Variants in VWA3B observed in about 807,000 individuals in gnomAD.
VWA3B encodes the protein von Willebrand factor A domain-containing protein 3B.
In VWA3B, 138 loss-of-function variants were observed where a neutral mutation model predicts 158.3. The ratio of observed to expected loss-of-function variants is 0.87; its 90% CI spans 0.76 to 1.00. The LOEUF (loss-of-function observed/expected upper bound fraction) is 1.00, where lower values mean the gene tolerates loss of function less well. Ranked by LOEUF, VWA3B falls within the 50% of genes least tolerant of loss-of-function variation. VWA3B has a pLI of 0.00. For synonymous variants in VWA3B, 596 were observed against 587.3 expected (o/e 1.01, Z -0.21); for missense variants, 1,555 against 1,565.1 (o/e 0.99, Z 0.11).
chr2:98,211,096 C>T (rs1451207763), intron 12 of VWA3B, among the ~76,000 whole-genome samples: 3 of 152,232 alleles, frequency 2.0e-5, no homozygotes, highest in Non-Finnish European at 4.4e-5. Context: ...GGTCTCGTTC[C>T]TGATGAGAGG....
At chr2:98,294,638 G>A (rs569059243) in intron 23 of VWA3B, among the ~76,000 whole-genome samples, 1 of 152,370 alleles carries the variant, frequency 6.6e-6, no homozygotes, top group African/African-American at 2.4e-5. Context: ...GTGGAAACTG[G>A]GTCATCCTGT....
intron 12 of VWA3B, among the ~76,000 whole-genome samples, chr2:98,203,111 G>A (rs900171807): frequency 2.4e-4 from 37 of 152,182 alleles, no homozygotes; most frequent in Admixed American, 3.3e-4. Flanking sequence ...GATTACAGGC[G>A]TGAGCCACCA....
At chr2:98,290,777 G>A (rs952196950) in intron 23 of VWA3B, 155 bp downstream of exon 23, 2 of 585,282 alleles carry the variant, frequency 3.4e-6, no homozygotes, top group African/African-American at 3.9e-5. Context: ...AATATCTCTG[G>A]CCAGCTCATG....
chr2:98,284,996 G>A (rs1689082358), intron 22 of VWA3B, among the ~76,000 whole-genome samples: 1 of 152,018 alleles, frequency 6.6e-6, no homozygotes. Context: ...TATTATGAGT[G>A]GTTATGTAGA....
intron 7 of VWA3B, among the ~76,000 whole-genome samples, chr2:98,149,056 C>T (rs1677402339): frequency 6.6e-6 from 1 of 152,180 alleles, no homozygotes; most frequent in South Asian, 2.1e-4. Context: ...TACTGACATT[C>T]TAAGCTTTTT....
chr2:98,153,441 A>T (rs1677800748), intron 7 of VWA3B, among the ~76,000 whole-genome samples: 1 of 152,196 alleles, frequency 6.6e-6, no homozygotes, highest in African/African-American at 2.4e-5. Context: ...GTTGGTGGAG[A>T]AAAATGCATG....
chr2:98,300,134 TCCCTG>T lies in VWA3B; in HGVS notation c.3341_3345del (p.Pro1114HisfsTer8). On this transcript the variant is annotated frameshift_variant, in exon 25 of 28. Transcript: ENST00000477737. LOFTEE classifies it high-confidence loss of function. Reference sequence around the variant, plus strand: ...ATACCCAAAGGATTTGACTTCTATGTCCCTGCCATTGTCATAGCACTTCCCAATAA... The same window carrying T: ...ATACCCAAAGGATTTGACTTCTATGTCCATTGTCATAGCACTTCCCAATAA... The T allele has an allele frequency of 6.2e-7, 1 of 1,614,260 alleles. No homozygotes were observed. The highest frequency in any genetic ancestry group is 8.5e-7 in the Non-Finnish European group (1 of 1,180,040).
At chr2:98,101,217 A>G (rs1383116613) in intron 2 of VWA3B, among the ~76,000 whole-genome samples, 3 of 152,318 alleles carry the variant, frequency 2.0e-5, no homozygotes, top group African/African-American at 7.2e-5. Flanking sequence ...TGCATTGGCC[A>G]GAATGTTGGT....
chr2:98,224,853 A>G (rs180982906), intron 14 of VWA3B, among the ~76,000 whole-genome samples: 1 of 152,368 alleles, frequency 6.6e-6, no homozygotes, highest in East Asian at 1.9e-4. Context: ...TTTGAAATAC[A>G]TCATGCAAAA....
chr2:98,106,007 C>T (rs188751828), intron 2 of VWA3B, among the ~76,000 whole-genome samples: 17 of 152,202 alleles, frequency 1.1e-4, no homozygotes, highest in Non-Finnish European at 2.1e-4. Context: ...GATCCGCCTC[C>T]CAGGTTCACG....
intron 17 of VWA3B, 51 bp downstream of exon 17, chr2:98,234,818 A>G (rs371949665): frequency 1.4e-5 from 22 of 1,611,916 alleles, no homozygotes; most frequent in African/African-American, 1.2e-4. Context: ...TCCACAGTGT[A>G]TCTGTTCCAG....
In VWA3B at chr2:98,121,487, G is replaced by A. The variant is rs562885429; in HGVS notation, c.702+29G>A. 8.7e-6 allele frequency: 14 copies of A among 1,602,988 alleles called. No homozygotes were observed. The South Asian group carries it at 1.4e-4, about 16-fold the overall frequency. On this transcript the variant is annotated intron_variant, in intron 5 of 27. Transcript: ENST00000477737. ...AGTGCGTGTTCATGGCTGGCCCCAGGCCATGGAGGTGGCTTCCAGCTTAAC... is the reference window on the plus strand; with the variant it reads ...AGTGCGTGTTCATGGCTGGCCCCAGACCATGGAGGTGGCTTCCAGCTTAAC...
chr2:98,320,262 T>G, the VWA3B span, among the ~76,000 whole-genome samples: 3 of 152,142 alleles, frequency 2.0e-5, no homozygotes, highest in African/African-American at 7.2e-5. Context: ...CCACCGTGAT[T>G]GTGAGGCTTC....
intron 11 of VWA3B, among the ~76,000 whole-genome samples, chr2:98,193,355 G>A (rs1252443307): frequency 2.6e-5 from 4 of 152,078 alleles, no homozygotes; most frequent in Non-Finnish European, 5.9e-5. Context: ...AATTTCAAAT[G>A]TTTATTGGGG....
downstream of VWA3B, among the ~76,000 whole-genome samples, chr2:98,317,271 A>G (rs566324889): frequency 6.6e-6 from 1 of 152,176 alleles, no homozygotes; most frequent in African/African-American, 2.4e-5. Context: ...AACAACAGCA[A>G]ACGTTTTATG....
chr2:98,271,503 T>A (rs1246254875), intron 22 of VWA3B, among the ~76,000 whole-genome samples: 2 of 152,234 alleles, frequency 1.3e-5, no homozygotes, highest in Non-Finnish European at 2.9e-5. Flanking sequence ...AGAGTGTCCA[T>A]AATTATTGTA....
At chr2:98,209,838 T>TGATAAAGTC (rs1453476620) in intron 12 of VWA3B, among the ~76,000 whole-genome samples, 1 of 152,244 alleles carries the variant, frequency 6.6e-6, no homozygotes, top group Non-Finnish European at 1.5e-5. Context: ...GAAGACTTTA[T>TGATAAAGTC]TTCCACTTAT....
chr2:98,250,361 CATTA>C lies in VWA3B; in HGVS notation c.2723_2726del (p.Ile908ThrfsTer25). ...GTGTGCAACGACACAAATAAGATGACATTAATTAACCCCCAAGGAGCCAAACTCA... is the reference window on the plus strand; with the variant it reads ...GTGTGCAACGACACAAATAAGATGACATTAACCCCCAAGGAGCCAAACTCA... On this transcript the variant is annotated frameshift_variant, in exon 20 of 28. Coordinates refer to ENST00000477737, the MANE Select transcript of VWA3B (RefSeq NM_144992.5). LOFTEE classifies it high-confidence loss of function. The C allele has an allele frequency of 1.9e-6, 3 of 1,613,470 alleles. No individual in the cohort carries two copies. The highest frequency in any genetic ancestry group is 2.5e-6 in the Non-Finnish European group (3 of 1,179,812).
intron 2 of VWA3B, among the ~76,000 whole-genome samples, chr2:98,100,297 C>A (rs1252060169): frequency 6.6e-6 from 1 of 152,204 alleles, no homozygotes; most frequent in Non-Finnish European, 1.5e-5. Context: ...ACAGACATTG[C>A]AGCACTAGGG....
Sources: gnomAD v4.1 joint callset for allele counts (sites outside exome capture counted in the v4.1 genomes callset) on GRCh38, gnomAD v4.1.1 for gene constraint, MANE v1.5 for transcripts, NCBI Gene and HGNC (gene_info 2026-07-23, HGNC 2026-07-21) for gene names.